Variants in KLF8 observed in about 807,000 individuals in gnomAD.
KLF8 encodes KLF transcription factor 8, also known as Krueppel-like factor 8.
A neutral mutation model predicts 18.2 loss-of-function variants in KLF8; 10 were observed. The ratio of observed to expected loss-of-function variants is 0.55; its 90% CI spans 0.34 to 0.93. KLF8 has a LOEUF of 0.93. KLF8 is among the 40% of genes least tolerant of loss of function. KLF8 has a pLI of 0.02. For missense variants in KLF8, 264 were observed against 277.9 expected (o/e 0.95, Z 0.36); for synonymous variants, 109 against 97.3 (o/e 1.12, Z -0.71).
At chrX:55,995,798 C>T in the KLF8 span, among the ~76,000 whole-genome samples, 1 of 111,252 alleles carries the variant, frequency 9.0e-6, no homozygotes, top group Non-Finnish European at 1.9e-5. Flanking sequence ...TTCTCTCTAG[C>T]TGCCTTTAAT....
intron 5 of KLF8, among the ~76,000 whole-genome samples, chrX:56,283,985 A>G (rs2067238089): frequency 1.8e-5 from 2 of 111,755 alleles, no homozygotes; most frequent in Non-Finnish European, 3.8e-5. Context: ...CCTGTAGGTA[A>G]CAATGTATTG....
At chrX:56,057,787 T>A in the KLF8 span, among the ~76,000 whole-genome samples, 1 of 110,575 alleles carries the variant, frequency 9.0e-6, no homozygotes, top group Non-Finnish European at 1.9e-5. Flanking sequence ...CCTGGGGGAA[T>A]GGCTGTCTCT....
At chrX:55,986,123 C>T in the KLF8 span, among the ~76,000 whole-genome samples, 23,020 of 110,433 alleles carry the variant, frequency 0.21, 2,224 homozygotes, top group Middle Eastern at 0.43. Flanking sequence ...ATTCGAATAC[C>T]TTTATTTCTT....
chrX:56,031,193 A>T, the KLF8 span, among the ~76,000 whole-genome samples: 1 of 111,642 alleles, frequency 9.0e-6, no homozygotes, highest in Admixed American at 9.5e-5. Context: ...TGTTTTCTCA[A>T]GACAAAATAT....
chrX:55,971,695 C>CA, the KLF8 span, among the ~76,000 whole-genome samples: 2 of 110,347 alleles, frequency 1.8e-5, no homozygotes, highest in Non-Finnish European at 3.8e-5. Context: ...ATAAGGAGCT[C>CA]AAACAACTCT....
chrX:56,158,707 A>G, the KLF8 span, among the ~76,000 whole-genome samples: 4 of 111,829 alleles, frequency 3.6e-5, no homozygotes, highest in African/African-American at 1.3e-4. Context: ...TGGTGTATAA[A>G]AATGCTTGTG....
upstream of KLF8, among the ~76,000 whole-genome samples, chrX:56,230,752 A>G (rs1338493827): frequency 9.0e-6 from 1 of 111,295 alleles, no homozygotes; most frequent in Non-Finnish European, 1.9e-5. Flanking sequence ...ATTATTGTTA[A>G]TAATAATATA....
the KLF8 span, among the ~76,000 whole-genome samples, chrX:56,055,522 A>G: frequency 9.0e-6 from 1 of 111,474 alleles, no homozygotes; most frequent in South Asian, 3.8e-4. Flanking sequence ...GTGTTTGGAG[A>G]ATCTGATGAT....
the KLF8 span, among the ~76,000 whole-genome samples, chrX:56,097,963 T>C: frequency 9.0e-6 from 1 of 110,577 alleles, no homozygotes; most frequent in South Asian, 3.9e-4. Flanking sequence ...CATATTGAGA[T>C]TTGATCCCCA....
intron 2 of KLF8, among the ~76,000 whole-genome samples, chrX:56,254,434 C>T (rs1352434374): frequency 1.8e-5 from 2 of 111,583 alleles, no homozygotes; most frequent in Non-Finnish European, 3.8e-5. Flanking sequence ...ACCCTTGAAG[C>T]CCCAGAAGGA....
At chrX:56,002,537 A>G in the KLF8 span, among the ~76,000 whole-genome samples, 1 of 110,947 alleles carries the variant, frequency 9.0e-6, no homozygotes, top group African/African-American at 3.3e-5. Flanking sequence ...GAAGTATCCA[A>G]CATTGTTTCT....
intron 2 of KLF8, among the ~76,000 whole-genome samples, chrX:56,254,268 G>T (rs771041688): frequency 8.9e-6 from 1 of 112,049 alleles, no homozygotes; most frequent in Non-Finnish European, 1.9e-5. Context: ...TAGCAGGGGC[G>T]AATTCCACTC....
the KLF8 span, among the ~76,000 whole-genome samples, chrX:56,082,006 G>C: frequency 9.0e-6 from 1 of 111,038 alleles, no homozygotes. Context: ...TCAATGTTTT[G>C]AAACAGTTTG....
the KLF8 span, chrX:56,015,164 A>G: frequency 9.0e-6 from 1 of 111,444 alleles, no homozygotes; most frequent in African/African-American, 3.3e-5. Flanking sequence ...AAGCAAAATA[A>G]AAATAAAAAT....
At chrX:56,154,442 C>A in the KLF8 span, among the ~76,000 whole-genome samples, 21 of 111,694 alleles carry the variant, frequency 1.9e-4, no homozygotes, top group African/African-American at 6.5e-4. Context: ...ACACCTTATA[C>A]AAAAATTAAT....
upstream of KLF8, among the ~76,000 whole-genome samples, chrX:56,227,874 A>AACACACACACACACAC (rs72391707): frequency 1.2e-5 from 1 of 85,525 alleles, no homozygotes; most frequent in Non-Finnish European, 2.3e-5. Context: ...CCCTAGCCCC[A>AACACACACACACACAC]ACACACACAC....
chrX:56,002,464 T>C, the KLF8 span, among the ~76,000 whole-genome samples: 1 of 110,243 alleles, frequency 9.1e-6, no homozygotes, highest in African/African-American at 3.3e-5. Context: ...TTTAAGTGTC[T>C]ACCTTCCTCC....
intron 2 of KLF8, among the ~76,000 whole-genome samples, chrX:56,261,156 T>C (rs1307967765): frequency 8.9e-6 from 1 of 111,815 alleles, no homozygotes; most frequent in Non-Finnish European, 1.9e-5. Flanking sequence ...TCTTTAGTAA[T>C]ATATGAATAA....
At chrX:56,185,164 C>T in the KLF8 span, among the ~76,000 whole-genome samples, 24 of 111,667 alleles carry the variant, frequency 2.1e-4, no homozygotes, top group African/African-American at 4.6e-4. Flanking sequence ...AAAATCAAGA[C>T]GGAGAAGTGG....
Sources: allele counts gnomAD v4.1 joint callset (sites outside exome capture counted in the v4.1 genomes callset), GRCh38; gene constraint gnomAD v4.1.1; transcripts MANE v1.5; gene names NCBI Gene and HGNC (gene_info 2026-07-23, HGNC 2026-07-21).